The following GNPDA2 variants were observed in gnomAD, a reference collection of about 807,000 sequenced individuals.
GNPDA2 encodes glucosamine-6-phosphate deaminase 2.
GNPDA2 carries 24 observed loss-of-function variants against 27.0 expected under a neutral mutation model. The ratio of observed to expected loss-of-function variants is 0.89; its 90% CI spans 0.64 to 1.25. The LOEUF (loss-of-function observed/expected upper bound fraction) is 1.25. Among genes scored for constraint, GNPDA2 ranks in the 50% most tolerant of loss-of-function variants. GNPDA2 has a pLI of 0.00. For missense variants in GNPDA2, 286 were observed against 335.1 expected (o/e 0.85, Z 1.14); for synonymous variants, 94 against 108.4 (o/e 0.87, Z 0.83).
chr4:44,726,244 G>A (rs931500775), intron 1 of GNPDA2, among the ~76,000 whole-genome samples: 7 of 152,058 alleles, frequency 4.6e-5, no homozygotes, highest in Non-Finnish European at 7.4e-5. Context: ...GAGAGGAGAG[G>A]GCAGGGACGC....
At chr4:44,724,498 T>C (rs756882960) in intron 1 of GNPDA2, among the ~76,000 whole-genome samples, 1 of 152,222 alleles carries the variant, frequency 6.6e-6, no homozygotes, top group Non-Finnish European at 1.5e-5. Context: ...CATCAATAGT[T>C]TATAAACGTC....
chr4:44,716,969 C>A, intron 4 of GNPDA2, 144 bp downstream of exon 4: 1 of 520,220 alleles, frequency 1.9e-6, no homozygotes, highest in Non-Finnish European at 3.4e-6. Flanking sequence ...AAAATGAAAA[C>A]AGGAATCAGT....
chr4:44,710,614 T>C (rs1034388405), intron 5 of GNPDA2, among the ~76,000 whole-genome samples: 2 of 152,162 alleles, frequency 1.3e-5, no homozygotes, highest in East Asian at 1.9e-4. Context: ...TAACTAGCAT[T>C]GCATCATTGT....
At position 44,701,859 on chromosome 4, in the gene GNPDA2, C is replaced by G. The variant is rs970209720; in HGVS notation, c.*1222G>C. ...ATCCCCCACTTTTAACCATAAAACC[C>G]TATTACCAATTTTATTTCATTAATT... On this transcript the variant is annotated 3_prime_UTR_variant, in exon 7 of 7. Coordinates refer to ENST00000295448, the MANE Select transcript of GNPDA2 (RefSeq NM_138335.3). 2 of 981,768 alleles carry G rather than the reference C, an allele frequency of 2.0e-6. No homozygotes were observed. The highest frequency in any genetic ancestry group is 2.4e-6 in the Non-Finnish European group (2 of 826,822). 60.8% of individuals were successfully genotyped at this position (981,768 alleles called of 1,614,324 possible).
chr4:44,713,989 G>A (rs1177535634), intron 4 of GNPDA2, among the ~76,000 whole-genome samples: 1 of 152,008 alleles, frequency 6.6e-6, no homozygotes, highest in Non-Finnish European at 1.5e-5. Context: ...TATTCATTTT[G>A]AGACGGAGTT....
Position 44,702,969 on chromosome 4 carries a change from A to G in GNPDA2, c.*112T>C. Reference sequence around the variant, plus strand: ...TTAACATAGAGACTCGAATGAAAAAATGACAATCTTCAAAATTCCCCATGT... The same window carrying G: ...TTAACATAGAGACTCGAATGAAAAAGTGACAATCTTCAAAATTCCCCATGT... On this transcript the variant is annotated 3_prime_UTR_variant, in exon 7 of 7. Transcript: ENST00000295448. 6.5e-7 allele frequency: 1 copy of G among 1,547,222 alleles called. No individual in the cohort carries two copies. The highest frequency in any genetic ancestry group is 8.7e-7 in the Non-Finnish European group (1 of 1,155,650).
At chr4:44,710,875 TATTC>T in intron 5 of GNPDA2, 74 bp downstream of exon 5, 1 of 1,146,650 alleles carries the variant, frequency 8.7e-7, no homozygotes, top group Non-Finnish European at 1.2e-6. Context: ...AAATATCACT[TATTC>T]AGCATCATAA....
In GNPDA2 at chr4:44,702,849, T is replaced by G; in HGVS notation, c.*232A>C. 1.5e-6 allele frequency: 2 copies of G among 1,366,276 alleles called. No homozygotes were observed. The highest frequency in any genetic ancestry group is 3.4e-5 in the South Asian group (2 of 58,734). The allele number at this position is 1,366,276 out of a possible 1,614,324, so 84.6% of individuals were successfully genotyped here. On this transcript the variant is annotated 3_prime_UTR_variant, in exon 7 of 7. Coordinates refer to ENST00000295448, the MANE Select transcript of GNPDA2 (RefSeq NM_138335.3). ...GCTGTTTTATAGGTGGCTATGTGAC[T>G]TCAGTACTTTATAATAAATAGCCAG...
chr4:44,717,296 C>T lies in GNPDA2; in HGVS notation c.227-1G>A, dbSNP rs777771279. ...CTTTCAGGATGATTTCTTGGAAGTCCTAAAGATGAAGTTAATAAAAATATA... is the reference window on the plus strand; with the variant it reads ...CTTTCAGGATGATTTCTTGGAAGTCTTAAAGATGAAGTTAATAAAAATATA... On this transcript the variant is annotated splice_acceptor_variant, in intron 3 of 6. Coordinates refer to ENST00000295448, the MANE Select transcript of GNPDA2 (RefSeq NM_138335.3). LOFTEE classifies it high-confidence loss of function. 23 of 1,443,648 alleles carry T rather than the reference C, an allele frequency of 1.6e-5. No homozygotes were observed. 89.4% of individuals were successfully genotyped at this position (1,443,648 alleles called of 1,614,324 possible).
Position 44,702,425 on chromosome 4 carries a change from AAAAAT to A in GNPDA2, c.*651_*655del. 1.0e-6 allele frequency: 1 copy of A among 976,398 alleles called. No homozygotes were observed. Among genetic ancestry groups the A allele is most frequent in the Non-Finnish European group, 1.2e-6 (1 of 821,458 alleles). 60.5% of individuals were successfully genotyped at this position (976,398 alleles called of 1,614,324 possible). On this transcript the variant is annotated 3_prime_UTR_variant, in exon 7 of 7. Coordinates refer to ENST00000295448, the MANE Select transcript of GNPDA2 (RefSeq NM_138335.3). ...GGGACATGAACCCAAGTCGTTAAAT[AAAAAT>A]AAGATATTTGTAAAAAAGTGCTATA...
At chr4:44,726,312 G>A (rs962718980) in intron 1 of GNPDA2, among the ~76,000 whole-genome samples, 162 bp downstream of exon 1, 6 of 152,160 alleles carry the variant, frequency 3.9e-5, no homozygotes, top group East Asian at 3.9e-4. Flanking sequence ...GGCAATACGG[G>A]AGACCCCACG....
chr4:44,724,481 A>G (rs1380450440), intron 1 of GNPDA2, among the ~76,000 whole-genome samples: 1 of 152,232 alleles, frequency 6.6e-6, no homozygotes, highest in Non-Finnish European at 1.5e-5. Context: ...AGTTGAACTG[A>G]CATTACCATC....
intron 1 of GNPDA2, among the ~76,000 whole-genome samples, chr4:44,724,579 A>AT (rs11388225): frequency 0.53 from 79,877 of 151,950 alleles, 22,423 homozygotes; most frequent in Non-Finnish European, 0.64. Flanking sequence ...TTATTTTTAT[A>AT]TTAAATGGAT....
At chr4:44,724,649 C>T (rs187679768) in intron 1 of GNPDA2, among the ~76,000 whole-genome samples, 1 of 152,268 alleles carries the variant, frequency 6.6e-6, no homozygotes, top group Non-Finnish European at 1.5e-5. Flanking sequence ...TTTGTACCCA[C>T]ACACTTTACA....
At chr4:44,706,453 AT>A (rs1479335587) in intron 6 of GNPDA2, 2 of 151,998 alleles carry the variant, frequency 1.3e-5, no homozygotes, top group Non-Finnish European at 2.9e-5. Flanking sequence ...CATGATCAGC[AT>A]TTTGTTTAAA....
intron 6 of GNPDA2, chr4:44,703,579 T>C: frequency 1.0e-6 from 1 of 984,212 alleles, no homozygotes; most frequent in Non-Finnish European, 1.2e-6. Context: ...TATCCATTCG[T>C]CTGGTAAATT....
At chr4:44,705,049 G>A (rs1716504060) in intron 6 of GNPDA2, 2 of 982,112 alleles carry the variant, frequency 2.0e-6, no homozygotes, top group Non-Finnish European at 1.2e-6. Context: ...TGCATTTACT[G>A]ACAATTTTTA....
chr4:44,721,259 G>A (rs1297876151), intron 2 of GNPDA2, among the ~76,000 whole-genome samples: 4 of 152,068 alleles, frequency 2.6e-5, no homozygotes, highest in East Asian at 1.9e-4. Flanking sequence ...TAAAACACAC[G>A]GGAACTATAA....
chr4:44,710,190 T>G (rs1182194122), intron 5 of GNPDA2, among the ~76,000 whole-genome samples: 1 of 152,170 alleles, frequency 6.6e-6, no homozygotes, highest in African/African-American at 2.4e-5. Flanking sequence ...TTCTCATATA[T>G]TTTGATTGAC....
Sources: allele counts gnomAD v4.1 joint callset (sites outside exome capture counted in the v4.1 genomes callset), GRCh38; gene constraint gnomAD v4.1.1; transcripts MANE v1.5; gene names NCBI Gene and HGNC (gene_info 2026-07-23, HGNC 2026-07-21).